ERBIN: variants seen among roughly 807,000 people sequenced by gnomAD.
ERBIN encodes the protein densin-180-like protein.
Under a neutral mutation model 158.4 loss-of-function variants are expected in ERBIN, and 60 were observed. That is an observed-to-expected ratio of 0.38 (90% CI 0.31 to 0.47). The LOEUF is 0.47. ERBIN is among the 20% of genes least tolerant of loss of function. The pLI is 0.99. For synonymous variants in ERBIN, 594 were observed against 557.2 expected (o/e 1.07, Z -0.93); for missense variants, 1,610 against 1,648.0 (o/e 0.98, Z 0.40).
rs118015574 is a variant in ERBIN, at chr5:66,032,282, T to C, written c.1206+3939T>C. On this transcript the variant is annotated intron_variant, in intron 14 of 25. Transcript: ENST00000284037. ...GATTTTTTAAAATCTTGTACTCTTA[T>C]CAATTATGAGTGGCTTCCTGAAAAA... 1.3e-3 allele frequency among the ~76,000 whole-genome samples: 192 copies of C among 152,304 alleles called. 3 individuals carry two copies. The East Asian group carries it at 0.032, about 25-fold the overall frequency.
intron 1 of ERBIN, among the ~76,000 whole-genome samples, chr5:65,953,299 T>C (rs1746732865): frequency 6.6e-6 from 1 of 152,216 alleles, no homozygotes. Flanking sequence ...AAAGAGGCTT[T>C]GGAAGCTTGT....
chr5:65,960,994 C>T (rs1747843547), intron 1 of ERBIN, among the ~76,000 whole-genome samples: 1 of 152,126 alleles, frequency 6.6e-6, no homozygotes, highest in Admixed American at 6.5e-5. Context: ...CTTTTGACAA[C>T]CACTGACTGT....
Position 65,974,043 on chromosome 5 carries a change from T to C in ERBIN, c.-57-14592T>C, listed in dbSNP as rs1174350499. The stretch of plus-strand genomic sequence containing the variant: ...TGAGGCCAGGAGTTTGAGACCAGCC[T>C]GGGCAACATAGCGAAACTCCATCTC... On this transcript the variant is annotated intron_variant, in intron 1 of 25. Coordinates refer to ENST00000284037, the MANE Select transcript of ERBIN (RefSeq NM_001253697.2). 2.0e-5 allele frequency among the ~76,000 whole-genome samples: 3 copies of C among 151,234 alleles called. No individual in the cohort carries two copies. The East Asian group carries it at 5.8e-4, about 29-fold the overall frequency.
intron 20 of ERBIN, among the ~76,000 whole-genome samples, chr5:66,052,090 G>A (rs1434361846): frequency 6.6e-6 from 1 of 151,664 alleles, no homozygotes; most frequent in East Asian, 1.9e-4. Context: ...CCAGCTACTC[G>A]AGAGGCCAAG....
chr5:66,073,256 A>G (rs1392490909), intron 22 of ERBIN, among the ~76,000 whole-genome samples: 3 of 152,202 alleles, frequency 2.0e-5, no homozygotes, highest in Non-Finnish European at 2.9e-5. Flanking sequence ...CTGAATTTGC[A>G]TGTAGGAATA....
intron 1 of ERBIN, among the ~76,000 whole-genome samples, chr5:65,982,244 T>C (rs1428220258): frequency 3.9e-5 from 6 of 152,166 alleles, no homozygotes; most frequent in Admixed American, 2.0e-4. Context: ...GAACCCCAAA[T>C]TGGAAAACCT....
intron 1 of ERBIN, 128 bp downstream of exon 1, chr5:65,926,934 AGCG>A (rs1742721170): frequency 6.6e-6 from 1 of 151,994 alleles, no homozygotes; most frequent in African/African-American, 2.4e-5. Context: ...CTCATATCGA[AGCG>A]GTTAATAATT....
At chr5:66,023,140 T>C (rs1261331283) in intron 8 of ERBIN, 150 bp from the exon 9 acceptor site, 1 of 612,810 alleles carries the variant, frequency 1.6e-6, no homozygotes, top group Non-Finnish European at 2.9e-6. Flanking sequence ...ACATCCTGGC[T>C]CTTCTTTTTT....
At chr5:66,003,319 C>T (rs1281077877) in intron 4 of ERBIN, among the ~76,000 whole-genome samples, 1 of 151,974 alleles carries the variant, frequency 6.6e-6, no homozygotes, top group South Asian at 2.1e-4. Flanking sequence ...TGAGCAAAAA[C>T]TCATATTATT....
At position 66,020,563 on chromosome 5, in the gene ERBIN, T is replaced by G. The variant is rs192725104; in HGVS notation, c.534-759T>G. ...ATCTCAATGTATTAAATAATAGGTGTTGTACAAAAATAGCCACTTAAGAGT... is the reference window on the plus strand; with the variant it reads ...ATCTCAATGTATTAAATAATAGGTGGTGTACAAAAATAGCCACTTAAGAGT... On this transcript the variant is annotated intron_variant, in intron 7 of 25. Coordinates refer to ENST00000284037, the MANE Select transcript of ERBIN (RefSeq NM_001253697.2). Among the ~76,000 whole-genome samples, 698 of 152,154 alleles carry G rather than the reference T, an allele frequency of 4.6e-3. 5 individuals carry two copies. The highest frequency in any genetic ancestry group is 0.028 in the South Asian group (134 of 4,822).
rs917289252 is a variant in ERBIN at position 66,053,536 on chromosome 5, C to A, written c.2218C>A (p.Arg740=). 25 of 1,611,220 alleles carry A rather than the reference C, an allele frequency of 1.6e-5. No homozygotes were observed. The highest frequency in any genetic ancestry group is 2.0e-5 in the Non-Finnish European group (24 of 1,179,210). ...TGAATATGATTTGAATGTTGAAGAG[C>A]GATTAGTTCTAATTGAGAAAAGTGT... is the stretch of plus-strand genomic sequence containing the variant. The part of the protein sequence containing the change: ...LPEYDLNVEE[R]LVLIEKSVDS... Residue 740 remains arginine, a synonymous_variant, in exon 21 of 26, where the codon CGA becomes AGA. Coordinates refer to ENST00000284037, the MANE Select transcript of ERBIN (RefSeq NM_001253697.2).
intron 1 of ERBIN, among the ~76,000 whole-genome samples, chr5:65,987,755 G>A (rs1751419421): frequency 6.6e-6 from 1 of 151,022 alleles, no homozygotes; most frequent in Non-Finnish European, 1.5e-5. Flanking sequence ...TGAGGCAGGA[G>A]AATCGCTTGA....
intron 1 of ERBIN, among the ~76,000 whole-genome samples, chr5:65,959,621 A>G (rs1747693418): frequency 6.6e-6 from 1 of 152,220 alleles, no homozygotes; most frequent in Non-Finnish European, 1.5e-5. Context: ...GGAATTACAC[A>G]TAAATTTTTA....
Position 66,009,754 on chromosome 5 carries a change from C to A in ERBIN, c.308-2295C>A, listed in dbSNP as rs1270921847. Reference sequence around the variant, plus strand: ...TAAGAAAATTCCTGTCTCCCATCTTCAAAAGAAACATCTCCCACATTCCTA... The same window carrying A: ...TAAGAAAATTCCTGTCTCCCATCTTAAAAAGAAACATCTCCCACATTCCTA... On this transcript the variant is annotated intron_variant, in intron 4 of 25. Coordinates refer to ENST00000284037, the MANE Select transcript of ERBIN (RefSeq NM_001253697.2). 2.0e-5 allele frequency among the ~76,000 whole-genome samples: 3 copies of A among 152,224 alleles called. No homozygotes were observed. In the East Asian group the frequency reaches 5.8e-4, roughly 29 times the overall value.
In ERBIN at chr5:66,046,479, G is replaced by A; in HGVS notation, c.1729G>A (p.Ala577Thr). Residue 577 changes from alanine to threonine, a missense_variant, in exon 18 of 26, where the codon GCA becomes ACA. Ala to Thr is a moderately conservative substitution (Grantham distance 58, BLOSUM62 0). Around this residue, in one of 2 missense-constraint regions of ERBIN, gnomAD observed 596 missense variants for 711.9 expected, o/e 0.84. Coordinates refer to ENST00000284037, the MANE Select transcript of ERBIN (RefSeq NM_001253697.2). ...EISPGSLPVTANMKASENLKH... is the reference protein window; with the variant it reads ...EISPGSLPVTTNMKASENLKH... ...TAGTCCTGGGAGTTTACCAGTGACT[G>A]CAAATATGAAAGCCTCTGAGAACTT... 1 of 1,611,048 alleles carries A rather than the reference G, an allele frequency of 6.2e-7. No individual in the cohort carries two copies. Among genetic ancestry groups the A allele is most frequent in the Non-Finnish European group, 8.5e-7 (1 of 1,178,216 alleles).
In ERBIN at chr5:66,043,069, T is replaced by C. The variant is rs1242334457; in HGVS notation, c.1307-8T>C. On this transcript the variant is annotated splice_polypyrimidine_tract_variant and splice_region_variant and intron_variant, in intron 15 of 25. Transcript: ENST00000284037. Reference sequence around the variant, plus strand: ...TATAGTAGGTTTTTGTTTTTTACTTTTCTCTAGTTATGTTTATATCAGATA... The same window carrying C: ...TATAGTAGGTTTTTGTTTTTTACTTCTCTCTAGTTATGTTTATATCAGATA... 6.4e-7 allele frequency: 1 copy of C among 1,572,700 alleles called. No homozygotes were observed. The highest frequency in any genetic ancestry group is 8.6e-7 in the Non-Finnish European group (1 of 1,156,384).
chr5:66,067,986 G>A (rs759760641), intron 21 of ERBIN, among the ~76,000 whole-genome samples: 8 of 151,956 alleles, frequency 5.3e-5, no homozygotes, highest in Admixed American at 1.3e-4. Context: ...ATAAATTCGC[G>A]TATGTTAAAA....
chr5:66,003,498 TTAGAG>T (rs1753216856), intron 4 of ERBIN, among the ~76,000 whole-genome samples: 1 of 152,302 alleles, frequency 6.6e-6, no homozygotes, highest in South Asian at 2.1e-4. Flanking sequence ...GAGAAGTTGA[TTAGAG>T]TAGAACTAAA....
Position 66,059,063 on chromosome 5 carries a change from A to G in ERBIN, c.3633+4112A>G, listed in dbSNP as rs201974218. On this transcript the variant is annotated intron_variant, in intron 21 of 25. Coordinates refer to ENST00000284037, the MANE Select transcript of ERBIN (RefSeq NM_001253697.2). Reference sequence around the variant, plus strand: ...ATGAACTTTAAAGTAGTTTTTTCCAATTCTGTGAAGAGAGTCATTGGTAGC... The same window carrying G: ...ATGAACTTTAAAGTAGTTTTTTCCAGTTCTGTGAAGAGAGTCATTGGTAGC... 5.7e-4 allele frequency among the ~76,000 whole-genome samples: 86 copies of G among 152,126 alleles called. No individual in the cohort carries two copies. In the East Asian group the frequency reaches 0.016, roughly 28 times the overall value.
Sources: allele counts gnomAD v4.1 joint callset (sites outside exome capture counted in the v4.1 genomes callset), GRCh38; gene constraint gnomAD v4.1.1; regional missense constraint gnomAD v4.1.1; transcripts MANE v1.5; gene names NCBI Gene and HGNC (gene_info 2026-07-23, HGNC 2026-07-21).